The following EFS variants were observed in gnomAD, a reference collection of about 807,000 sequenced individuals.
EFS encodes the protein Cas scaffolding protein family member 3.
A neutral mutation model predicts 42.2 loss-of-function variants in EFS; 34 were observed. The observed-to-expected ratio is 0.81, with a 90% CI of 0.61 to 1.07. The LOEUF (loss-of-function observed/expected upper bound fraction) is 1.07, where lower values mean the gene tolerates loss of function less well. Ranked by LOEUF, EFS falls within the 50% of genes least tolerant of loss-of-function variation. The pLI is 0.00. For missense variants in EFS, 717 were observed against 729.4 expected (o/e 0.98, Z 0.20); for synonymous variants, 299 against 320.7 (o/e 0.93, Z 0.72).
rs1305180038 is a variant in EFS at position 23,359,747 on chromosome 14, TC to T, written c.730del (p.Glu244ArgfsTer143). On this transcript the variant is annotated frameshift_variant, in exon 4 of 6. Coordinates refer to ENST00000216733, the MANE Select transcript of EFS (RefSeq NM_005864.4). LOFTEE classifies it high-confidence loss of function. ...GATCCCCTCATCAGTGCCCCCGCCC[TC>T]CCCGTCTGCCAGCAGTTCCTCGGGT... ...EAPEELLADG[E>X]GGGTDEGIYD... 2 of 1,515,210 alleles carry T rather than the reference TC, an allele frequency of 1.3e-6. No individual in the cohort carries two copies. The highest frequency in any genetic ancestry group is 1.8e-6 in the Non-Finnish European group (2 of 1,133,400). The allele number at this position is 1,515,210 out of a possible 1,614,324, so 93.9% of individuals were successfully genotyped here.
intron 5 of EFS, 52 bp from the exon 6 acceptor site, chr14:23,357,712 C>T (rs1019968593): frequency 9.2e-6 from 13 of 1,413,932 alleles, no homozygotes; most frequent in Non-Finnish European, 1.2e-5. Flanking sequence ...GTGCCATTTC[C>T]TCCCTCACTT....
Position 23,356,905 on chromosome 14 carries a change from G to C in EFS, c.*321C>G, listed in dbSNP as rs1180613496. On this transcript the variant is annotated 3_prime_UTR_variant, in exon 6 of 6. Transcript: ENST00000216733. Reference sequence around the variant, plus strand: ...GACTTTTCACAGCCAGTCTTCCAGAGGTGGGTGGTAGTGCAGTGACCTCCA... The same window carrying C: ...GACTTTTCACAGCCAGTCTTCCAGACGTGGGTGGTAGTGCAGTGACCTCCA... The C allele has an allele frequency of 4.7e-6, 1 of 214,328 alleles. No individual in the cohort carries two copies. Among genetic ancestry groups the C allele is most frequent in the African/African-American group, 2.3e-5 (1 of 43,932 alleles). The allele number at this position is 214,328 out of a possible 1,614,324, so 13.3% of individuals were successfully genotyped here. A position where few individuals can be genotyped will look rare whatever the true frequency, so the allele number is the denominator to read the frequency against.
intron 5 of EFS, among the ~76,000 whole-genome samples, chr14:23,358,034 T>G (rs1460323376): frequency 6.6e-6 from 1 of 152,202 alleles, no homozygotes; most frequent in Admixed American, 6.5e-5. Flanking sequence ...ATATTTTATC[T>G]AACTCCAAAT....
At chr14:23,357,692 AT>A (rs1463550712) in intron 5 of EFS, 32 bp from the exon 6 acceptor site, 1 of 1,480,886 alleles carries the variant, frequency 6.8e-7, no homozygotes, top group African/African-American at 1.4e-5. Flanking sequence ...CAGAGAGAAC[AT>A]TCTCATGAGT....
chr14:23,360,286 G>A lies in EFS; in HGVS notation c.298-5C>T, dbSNP rs1199186658. 6.2e-7 allele frequency: 1 copy of A among 1,605,720 alleles called. No individual in the cohort carries two copies. ...TGGGGGCGGCACCACATACACCTGA[G>A]GGATCAAATAGATGGGGGGTCAGGA... On this transcript the variant is annotated splice_polypyrimidine_tract_variant and splice_region_variant and intron_variant, in intron 2 of 5. Coordinates refer to ENST00000216733, the MANE Select transcript of EFS (RefSeq NM_005864.4).
intron 1 of EFS, among the ~76,000 whole-genome samples, chr14:23,362,648 T>C (rs1390839662): frequency 1.3e-5 from 2 of 152,258 alleles, no homozygotes; most frequent in Non-Finnish European, 1.5e-5. Context: ...TTGTAAATTA[T>C]AAATCAGTCT....
At position 23,357,621 on chromosome 14, in the gene EFS, C is replaced by T. The variant is rs780224177; in HGVS notation, c.1291G>A (p.Gly431Arg). The T allele has an allele frequency of 2.0e-5, 31 of 1,557,574 alleles. No homozygotes were observed. The highest frequency in any genetic ancestry group is 1.2e-4 in the Admixed American group (7 of 57,114). ...SPGEPLVVST[G>R]DLQLLYFYAG... ...TAGAAGTACAGGAGCTGCAGATCTCCGGTGGACACAACCAGTGGCTCCCCT... is the reference window on the plus strand; with the variant it reads ...TAGAAGTACAGGAGCTGCAGATCTCTGGTGGACACAACCAGTGGCTCCCCT... Residue 431 changes from glycine (G) to arginine (R), a missense_variant, in exon 6 of 6, where the codon GGA becomes AGA. By Grantham distance (125) the Gly-to-Arg change is moderately radical. Coordinates refer to ENST00000216733, the MANE Select transcript of EFS (RefSeq NM_005864.4).
chr14:23,360,639 T>C lies in EFS; in HGVS notation c.213A>G (p.Ala71=). 6.2e-7 allele frequency: 1 copy of C among 1,610,122 alleles called. No homozygotes were observed. The highest frequency in any genetic ancestry group is 8.5e-7 in the Non-Finnish European group (1 of 1,177,990). Residue 71 remains alanine, a synonymous_variant, in exon 2 of 6, where the codon GCA becomes GCG. Coordinates refer to ENST00000216733, the MANE Select transcript of EFS (RefSeq NM_005864.4). ...NRVKLLPAGP[A]PKPSLSPASP... The stretch of plus-strand genomic sequence containing the variant: ...ACGCAGGAGAGAGGCTGGGCTTGGG[T>C]GCTGGGCCAGCAGGCAAGAGCTTCA...
rs201298718 is a variant in EFS at position 23,359,725 on chromosome 14, C to G, written c.753G>C (p.Gly251=). ...ADGEGGGTDE[G]IYDVPLLGPE... ...GCCCCAGCAGAGGCACATCGTAGAT[C>G]CCCTCATCAGTGCCCCCGCCCTCCC... Residue 251 remains glycine, a synonymous_variant, in exon 4 of 6, where the codon GGG becomes GGC. Coordinates refer to ENST00000216733, the MANE Select transcript of EFS (RefSeq NM_005864.4). 6.6e-7 allele frequency: 1 copy of G among 1,517,406 alleles called. No individual in the cohort carries two copies. The highest frequency in any genetic ancestry group is 1.4e-5 in the African/African-American group (1 of 71,606). The allele number at this position is 1,517,406 out of a possible 1,614,324, so 94.0% of individuals were successfully genotyped here. A position where few individuals can be genotyped will look rare whatever the true frequency, so the allele number is the denominator to read the frequency against.
intron 1 of EFS, among the ~76,000 whole-genome samples, chr14:23,363,309 A>AT (rs1353704274): frequency 6.6e-6 from 1 of 152,086 alleles, no homozygotes; most frequent in Non-Finnish European, 1.5e-5. Context: ...GCGCATATCC[A>AT]TTTTCAGATA....
chr14:23,359,436 C>T lies in EFS; in HGVS notation c.1042G>A (p.Gly348Arg), dbSNP rs1218415161. The T allele has an allele frequency of 1.3e-6, 2 of 1,561,198 alleles. No homozygotes were observed. The highest frequency in any genetic ancestry group is 2.2e-5 in the South Asian group (2 of 89,354). The change falls in exon 4 of 6, where the codon GGA (glycine) becomes AGA (arginine). Residue 348 changes from glycine to arginine, a missense_variant. Transcript: ENST00000216733. The stretch of plus-strand genomic sequence containing the variant: ...GGATCCCCCTCGACCTTGGGGCCTC[C>T]ATAACCAGGCAGGCGGGGTGGGGGT... ...PPPPPRLPGY[G>R]GPKVEGDPEG...
chr14:23,363,880 G>A (rs1197197263), intron 1 of EFS, among the ~76,000 whole-genome samples: 1 of 151,660 alleles, frequency 6.6e-6, no homozygotes, highest in Admixed American at 6.6e-5. Flanking sequence ...GCTGCATTGA[G>A]CCGTGATTGT....
chr14:23,364,768 A>G, intron 1 of EFS, among the ~76,000 whole-genome samples: 1 of 151,968 alleles, frequency 6.6e-6, no homozygotes, highest in Non-Finnish European at 1.5e-5. Context: ...CGCAGCCTCT[A>G]GGAAGAAAAA....
chr14:23,357,723 C>T, intron 5 of EFS, 63 bp from the exon 6 acceptor site: 1 of 1,355,418 alleles, frequency 7.4e-7, no homozygotes, highest in Non-Finnish European at 9.9e-7. Context: ...TCCCTCACTT[C>T]TTTTCTCCTT....
At position 23,360,319 on chromosome 14, in the gene EFS, A is replaced by AG. The variant is rs756659605; in HGVS notation, c.298-39dup. 5.1e-6 allele frequency: 8 copies of AG among 1,582,560 alleles called. No homozygotes were observed. In the South Asian group the frequency reaches 9.3e-5, roughly 18 times the overall value. On this transcript the variant is annotated intron_variant, in intron 2 of 5. Coordinates refer to ENST00000216733, the MANE Select transcript of EFS (RefSeq NM_005864.4). ...ATAGATGGGGGGTCAGGAGGAACGG[A>AG]GGGGCCGGTGATCAGATAATGTCTG...
At chr14:23,357,681 T>G in intron 5 of EFS, 21 bp from the exon 6 acceptor site, 1 of 1,499,514 alleles carries the variant, frequency 6.7e-7, no homozygotes, top group African/African-American at 1.4e-5. Context: ...AGAGGAGTGG[T>G]CAGAGAGAAC....
chr14:23,359,365 C>G lies in EFS; in HGVS notation c.1113G>C (p.Glu371Asp). ...MEDDPAGHHN[E>D]YEGIPMAEEY... ...CCTCGGCCATCGGAATGCCCTCGTACTCATTGTGGTGTCCTGCTGGGTCAT... is the reference window on the plus strand; with the variant it reads ...CCTCGGCCATCGGAATGCCCTCGTAGTCATTGTGGTGTCCTGCTGGGTCAT... The change falls in exon 4 of 6, where the codon GAG (glutamate) becomes GAC (aspartate). Residue 371 changes from glutamate to aspartate, a missense_variant. Glu to Asp is a conservative substitution (Grantham distance 45). Coordinates refer to ENST00000216733, the MANE Select transcript of EFS (RefSeq NM_005864.4). 1 of 1,613,196 alleles carries G rather than the reference C, an allele frequency of 6.2e-7. No homozygotes were observed. The highest frequency in any genetic ancestry group is 8.5e-7 in the Non-Finnish European group (1 of 1,179,976).
intron 4 of EFS, 133 bp from the exon 5 acceptor site, chr14:23,359,098 G>A: frequency 3.6e-6 from 4 of 1,112,794 alleles, no homozygotes; most frequent in Non-Finnish European, 3.8e-6. Flanking sequence ...GTAGTCCCTT[G>A]ACTCCAGAGA....
chr14:23,358,973 AGGGGATCAGGTCTCAGTGTC>A lies in EFS; in HGVS notation c.1162-28_1162-9del. ...CTGAGCTTTGTCCATGCCCTGCAGG[AGGGGATCAGGTCTCAGTGTC>A]GGGGTGGGGGAGCAGGACGGGGTGG... is the stretch of plus-strand genomic sequence containing the variant. On this transcript the variant is annotated splice_polypyrimidine_tract_variant and intron_variant, in intron 4 of 5. Transcript: ENST00000216733. 1 of 1,604,666 alleles carries A rather than the reference AGGGGATCAGGTCTCAGTGTC, an allele frequency of 6.2e-7. No individual in the cohort carries two copies. The highest frequency in any genetic ancestry group is 8.5e-7 in the Non-Finnish European group (1 of 1,175,566).
Sources: gnomAD v4.1 joint callset for allele counts (sites outside exome capture counted in the v4.1 genomes callset) on GRCh38, gnomAD v4.1.1 for gene constraint, MANE v1.5 for transcripts, NCBI Gene and HGNC (gene_info 2026-07-23, HGNC 2026-07-21) for gene names.